Variants in TTC19 observed in about 807,000 individuals in gnomAD.
TTC19 encodes the protein tetratricopeptide repeat protein 19, mitochondrial.
TTC19 carries 38 observed loss-of-function variants against 49.5 expected under a neutral mutation model. The observed-to-expected ratio is 0.77, with a 90% CI of 0.59 to 1.01. TTC19 has a LOEUF of 1.01. Among genes scored for constraint, TTC19 ranks in the 50% least tolerant of loss-of-function variants. The pLI is 0.00. For synonymous variants in TTC19, 204 were observed against 185.2 expected (o/e 1.10, Z -0.83); for missense variants, 475 against 477.7 (o/e 0.99, Z 0.05).
chr17:16,005,837 G>A (rs1169000063), intron 6 of TTC19, among the ~76,000 whole-genome samples: 1 of 152,204 alleles, frequency 6.6e-6, no homozygotes, highest in Non-Finnish European at 1.5e-5. Context: ...TTGAACAGGG[G>A]TAAGGCTTTC....
At chr17:16,006,422 GA>G (rs879034679) in intron 6 of TTC19, 51 bp from the exon 7 acceptor site, 2,305 of 1,137,452 alleles carry the variant, frequency 2.0e-3, no homozygotes, top group Non-Finnish European at 2.3e-3. Flanking sequence ...ACAGAAGGAA[GA>G]AAAAAAAAAG....
In TTC19 at chr17:16,012,367, C is replaced by T. The variant is rs1273434013; in HGVS notation, c.676+5799C>T. 5.3e-5 allele frequency among the ~76,000 whole-genome samples: 8 copies of T among 152,108 alleles called. No individual in the cohort carries two copies. The East Asian group carries it at 1.6e-3, about 30-fold the overall frequency. On this transcript the variant is annotated intron_variant, in intron 7 of 9. Transcript: ENST00000261647. ...TGGTGTTGCGCACTTGTAGTCCCAG[C>T]TACTCGGGAGGCTGAGGTGAGAATC...
intron 2 of TTC19, among the ~76,000 whole-genome samples, chr17:16,041,424 C>CTTTTT (rs2057575771): frequency 2.2e-5 from 1 of 46,244 alleles, no homozygotes; most frequent in Non-Finnish European, 5.0e-5. Flanking sequence ...TTTTTTTTTC[C>CTTTTT]TTTGAGATGG....
intron 2 of TTC19, chr17:16,040,646 G>GT (rs746774386): frequency 5.5e-4 from 417 of 759,554 alleles, no homozygotes; most frequent in South Asian, 2.2e-3. Context: ...TAAAATGGAA[G>GT]TATTTTTTTT....
At chr17:16,017,540 G>A (rs1028561205) in intron 7 of TTC19, among the ~76,000 whole-genome samples, 6 of 151,218 alleles carry the variant, frequency 4.0e-5, no homozygotes, top group African/African-American at 9.7e-5. Context: ...CAGGTGGATC[G>A]CCTGAGGTCA....
downstream of TTC19, chr17:16,031,851 AAGAT>A (rs763210076): frequency 5.9e-4 from 138 of 233,720 alleles, no homozygotes; most frequent in East Asian, 2.9e-3. Flanking sequence ...TAGGGTTAAA[AAGAT>A]AGATAGACAA....
chr17:16,034,729 T>G (rs980798335), intron 2 of TTC19: 5 of 1,537,834 alleles, frequency 3.3e-6, no homozygotes, highest in Non-Finnish European at 4.4e-6. Context: ...ATATTATTGC[T>G]CTGTCTCATT....
In TTC19 at chr17:16,025,032, A is replaced by T; in HGVS notation, c.692A>T (p.Asn231Ile). The T allele has an allele frequency of 1.2e-6, 2 of 1,613,918 alleles. No individual in the cohort carries two copies. The highest frequency in any genetic ancestry group is 1.7e-6 in the Non-Finnish European group (2 of 1,179,836). Residue 231 changes from asparagine (N) to isoleucine (I), a missense_variant, in exon 8 of 10, where the codon AAT (asparagine) becomes ATT (isoleucine). Asn to Ile is a moderately radical substitution (Grantham distance 149). Transcript: ENST00000261647. ...TTCTCCTTAGTGGAAGAGAAAGCCA[A>T]TACCCACCTCCTCTTGGGCATGTGC... is the stretch of plus-strand genomic sequence containing the variant. ...EDIMSVEEKA[N>I]THLLLGMCLD...
At chr17:16,044,620 C>T (rs2058348458) in exon 3 of TTC19, 2 of 606,880 alleles carry the variant, frequency 3.3e-6, no homozygotes, top group South Asian at 1.4e-5. Context: ...TTGCCCATAC[C>T]ATGTCCTCTG....
intron 8 of TTC19, among the ~76,000 whole-genome samples, chr17:16,025,780 G>A (rs1971535289): frequency 6.6e-6 from 1 of 152,114 alleles, no homozygotes; most frequent in African/African-American, 2.4e-5. Context: ...GCCAATATAA[G>A]ACATAACAAT....
downstream of TTC19, among the ~76,000 whole-genome samples, chr17:16,032,825 T>C (rs985394594): frequency 8.5e-5 from 13 of 152,220 alleles, no homozygotes; most frequent in African/African-American, 2.9e-4. Flanking sequence ...AGAGCTTTCT[T>C]AACTCTTCAA....
At chr17:16,036,800 A>G (rs1392211606) in intron 2 of TTC19, among the ~76,000 whole-genome samples, 2 of 152,198 alleles carry the variant, frequency 1.3e-5, no homozygotes, top group African/African-American at 2.4e-5. Flanking sequence ...TTGGTCTTCT[A>G]TCCAGACCAC....
At position 16,028,568 on chromosome 17, in the gene TTC19, A is replaced by G. The variant is rs1449540656; in HGVS notation, c.*1046A>G. 1 of 453,952 alleles carries G rather than the reference A, an allele frequency of 2.2e-6. No individual in the cohort carries two copies. Among genetic ancestry groups the G allele is most frequent in the East Asian group, 6.9e-5 (1 of 14,410 alleles). 28.1% of individuals were successfully genotyped at this position (453,952 alleles called of 1,614,324 possible). On this transcript the variant is annotated 3_prime_UTR_variant, in exon 10 of 10. Transcript: ENST00000261647. Reference sequence around the variant, plus strand: ...TTTATCACACTGTCTCAAAGTATGTAAAGATACATAGGTGGATGCTCTTAC... The same window carrying G: ...TTTATCACACTGTCTCAAAGTATGTGAAGATACATAGGTGGATGCTCTTAC...
Position 15,999,835 on chromosome 17 carries a change from G to T in TTC19, c.-14G>T. 1 of 1,533,400 alleles carries T rather than the reference G, an allele frequency of 6.5e-7. No individual in the cohort carries two copies. The highest frequency in any genetic ancestry group is 2.5e-5 in the East Asian group (1 of 40,536). The allele number at this position is 1,533,400 out of a possible 1,614,324, so 95.0% of individuals were successfully genotyped here. On this transcript the variant is annotated 5_prime_UTR_variant, in exon 1 of 10. Coordinates refer to ENST00000261647, the MANE Select transcript of TTC19 (RefSeq NM_017775.4). ...CGCGTCTGGCCTGCAGTGCGCAGAG[G>T]ACGCGGCGGGAGCATGTTCCGGCTC... is the stretch of plus-strand genomic sequence containing the variant.
rs528151089 is a variant in TTC19 at position 16,000,645 on chromosome 17, C to T, written c.312+400C>T. ...GTTCGGTTCTCCTCCTGAATTCTTC[C>T]TTTTCTCCACATCCTTTTCTATTTT... On this transcript the variant is annotated intron_variant, in intron 2 of 9. Transcript: ENST00000261647. Among the ~76,000 whole-genome samples, 12 of 152,238 alleles carry T rather than the reference C, an allele frequency of 7.9e-5. No homozygotes were observed. The East Asian group carries it at 1.9e-3, about 25-fold the overall frequency.
At chr17:16,001,807 G>A (rs900931299) in intron 2 of TTC19, 108 bp from the exon 3 acceptor site, 4 of 758,254 alleles carry the variant, frequency 5.3e-6, no homozygotes, top group African/African-American at 5.2e-5. Context: ...TGATGAATGA[G>A]TTAGCTTCCT....
chr17:16,042,820 G>C (rs944790872), intron 2 of TTC19, among the ~76,000 whole-genome samples: 3 of 152,192 alleles, frequency 2.0e-5, no homozygotes, highest in Non-Finnish European at 2.9e-5. Flanking sequence ...TATTTAAGGA[G>C]CCAGTAAGTT....
intron 7 of TTC19, 37 bp downstream of exon 7, chr17:16,006,605 A>ATT: frequency 2.3e-6 from 3 of 1,326,348 alleles, no homozygotes; most frequent in Non-Finnish European, 3.3e-6. Flanking sequence ...CCTTTTCTCC[A>ATT]CAAAAGGCTT....
intron 2 of TTC19, chr17:16,041,155 A>G (rs960877358): frequency 4.6e-5 from 7 of 152,268 alleles, no homozygotes; most frequent in African/African-American, 1.7e-4. Context: ...TTGCTGGAAA[A>G]AACAAAAGAC....
Sources: gnomAD v4.1 joint callset for allele counts (sites outside exome capture counted in the v4.1 genomes callset) on GRCh38, gnomAD v4.1.1 for gene constraint, MANE v1.5 for transcripts, NCBI Gene and HGNC (gene_info 2026-07-23, HGNC 2026-07-21) for gene names.